Variants in ANKAR observed in about 807,000 individuals in gnomAD.
The protein encoded by ANKAR is ankyrin and armadillo repeat-containing protein.
ANKAR carries 136 observed loss-of-function variants against 146.2 expected under a neutral mutation model. That is an observed-to-expected ratio of 0.93 (90% confidence interval 0.81 to 1.07). The LOEUF (loss-of-function observed/expected upper bound fraction) is 1.07. Among genes scored for constraint, ANKAR ranks in the 50% least tolerant of loss-of-function variants. ANKAR has a pLI of 0.00. For synonymous variants in ANKAR, 500 were observed against 575.8 expected (o/e 0.87, Z 1.88); for missense variants, 1,567 against 1,679.9 (o/e 0.93, Z 1.18).
intron 18 of ANKAR, chr2:189,753,012 A>G: frequency 2.6e-6 from 4 of 1,566,684 alleles, no homozygotes; most frequent in Non-Finnish European, 3.5e-6. Flanking sequence ...AATAACTATC[A>G]TATATGGATA....
intron 12 of ANKAR, among the ~76,000 whole-genome samples, chr2:189,726,973 A>C (rs115825465): frequency 0.01 from 1,583 of 152,322 alleles, 34 homozygotes; most frequent in African/African-American, 0.036. Flanking sequence ...CAACTTTTCT[A>C]TAAGTTAAAA....
At position 189,742,951 on chromosome 2, in the gene ANKAR, CA is replaced by C. The variant is rs2043567615; in HGVS notation, c.3811-323del. ...ACACACACACACACACACACACACA[CA>C]CACACACACACACACACACACACAC... On this transcript the variant is annotated intron_variant, in intron 20 of 22. Coordinates refer to ENST00000684021, the MANE Select transcript of ANKAR (RefSeq NM_001378068.1). Among the ~76,000 whole-genome samples the C allele has an allele frequency of 3.5e-5, 5 of 143,210 alleles. No homozygotes were observed. In the South Asian group the frequency reaches 6.7e-4, roughly 19 times the overall value. 94.0% of individuals were successfully genotyped at this position (143,210 alleles called of 152,430 possible).
At chr2:189,708,455 A>C (rs527864528) in intron 9 of ANKAR, among the ~76,000 whole-genome samples, 1 of 152,358 alleles carries the variant, frequency 6.6e-6, no homozygotes, top group South Asian at 2.1e-4. Flanking sequence ...ACACATTCGG[A>C]AGAAACTGTA....
At chr2:189,755,442 T>C in intron 18 of ANKAR, 1 of 1,607,918 alleles carries the variant, frequency 6.2e-7, no homozygotes, top group South Asian at 1.1e-5. Flanking sequence ...TTTATGGTAG[T>C]TGCAATTGCT....
chr2:189,698,869 G>A (rs983061902), intron 7 of ANKAR, among the ~76,000 whole-genome samples: 4 of 152,058 alleles, frequency 2.6e-5, no homozygotes, highest in Non-Finnish European at 5.9e-5. Context: ...GAACTGGAGC[G>A]GGAAAAAAGG....
At chr2:189,729,127 CT>C (rs1308060886) in intron 15 of ANKAR, among the ~76,000 whole-genome samples, 2 of 152,122 alleles carry the variant, frequency 1.3e-5, no homozygotes, top group African/African-American at 2.4e-5. Context: ...AAAAATAGTT[CT>C]TTTGAATCTC....
At chr2:189,699,340 C>T (rs1272928549) in intron 7 of ANKAR, among the ~76,000 whole-genome samples, 1 of 152,150 alleles carries the variant, frequency 6.6e-6, no homozygotes, top group Non-Finnish European at 1.5e-5. Flanking sequence ...CTTCCTTCTC[C>T]TTTTTAGGGT....
In ANKAR at chr2:189,705,077, G is replaced by A; in HGVS notation, c.1763G>A (p.Cys588Tyr). 1 of 1,614,040 alleles carries A rather than the reference G, an allele frequency of 6.2e-7. No individual in the cohort carries two copies. Among genetic ancestry groups the A allele is most frequent in the South Asian group, 1.1e-5 (1 of 91,070 alleles). Residue 588 changes from cysteine to tyrosine, a missense_variant, in exon 8 of 23, where the codon TGT (cysteine) becomes TAT (tyrosine). Cys to Tyr is a radical substitution (Grantham distance 194). Transcript: ENST00000684021. Reference protein sequence around the residue: ...AQACSLETTVCLLCSKADYTL... With the variant: ...AQACSLETTVYLLCSKADYTL... Reference sequence around the variant, plus strand: ...GCTTGCTCATTAGAAACAACAGTTTGTCTACTGTGTTCCAAAGCTGATTAC... The same window carrying A: ...GCTTGCTCATTAGAAACAACAGTTTATCTACTGTGTTCCAAAGCTGATTAC...
intron 2 of ANKAR, among the ~76,000 whole-genome samples, chr2:189,682,457 G>A (rs1045234685): frequency 1.3e-5 from 2 of 152,150 alleles, no homozygotes; most frequent in African/African-American, 2.4e-5. Flanking sequence ...ACCTACTGAA[G>A]TAGTTTATAG....
chr2:189,681,000 A>G (rs950207972), intron 2 of ANKAR, among the ~76,000 whole-genome samples: 2 of 3,828 alleles, frequency 5.2e-4, no homozygotes, highest in Non-Finnish European at 0.011. Flanking sequence ...ACAGCGGTAG[A>G]GCCTTGACAT....
chr2:189,762,841 T>A (rs760906123), downstream of ANKAR: 195 of 985,324 alleles, frequency 2.0e-4, no homozygotes, highest in Non-Finnish European at 2.3e-4. Flanking sequence ...GCTGTTCCGC[T>A]AGCGAGCGGC....
In ANKAR at chr2:189,753,776, C is replaced by A. The variant is rs1049567859; in HGVS notation, c.*585-7322C>A. ...GTACAAGAAATGGCTGTTAGTCTTT[C>A]CTATCCTGCATAATTTCATACTGTC... On this transcript the variant is annotated intron_variant and NMD_transcript_variant, in intron 18 of 18. Transcript: ENST00000441800. 2.3e-5 allele frequency: 21 copies of A among 929,768 alleles called. No individual in the cohort carries two copies. The African/African-American group carries it at 3.2e-4, about 14-fold the overall frequency. The allele number at this position is 929,768 out of a possible 1,614,324, so 57.6% of individuals were successfully genotyped here.
intron 15 of ANKAR, 106 bp downstream of exon 15, chr2:189,728,927 C>A (rs903403909): frequency 9.1e-7 from 1 of 1,093,804 alleles, no homozygotes; most frequent in Non-Finnish European, 1.3e-6. Context: ...ACTGTTTGAG[C>A]CCTAAATGGT....
intron 17 of ANKAR, 39 bp downstream of exon 17, chr2:189,733,268 A>C: frequency 6.5e-7 from 1 of 1,543,096 alleles, no homozygotes; most frequent in African/African-American, 1.4e-5. Flanking sequence ...ATTTTGAAAA[A>C]AATGGTTTTT....
chr2:189,676,738 C>T lies in ANKAR; in HGVS notation c.248C>T (p.Ala83Val), dbSNP rs1463599164. The T allele has an allele frequency of 3.7e-6, 6 of 1,614,200 alleles. No individual in the cohort carries two copies. Among genetic ancestry groups the T allele is most frequent in the Non-Finnish European group, 5.1e-6 (6 of 1,180,048 alleles). Residue 83 changes from alanine (A) to valine (V), a missense_variant, in exon 2 of 23, where the codon GCA (alanine) becomes GTA (valine). Coordinates refer to ENST00000684021, the MANE Select transcript of ANKAR (RefSeq NM_001378068.1). The stretch of plus-strand genomic sequence containing the variant: ...ATGAATAACGTAGGCTTCTCCACTG[C>T]AATCCTACTGACTCCCGTGGACCCT... ...SQMNNVGFST[A>V]ILLTPVDPTA...
chr2:189,761,629 C>CCT, downstream of ANKAR: 1 of 1,596,758 alleles, frequency 6.3e-7, no homozygotes, highest in Non-Finnish European at 8.5e-7. Flanking sequence ...CAGTCTTAGT[C>CCT]AAGATTAGCA....
intron 10 of ANKAR, among the ~76,000 whole-genome samples, 176 bp downstream of exon 10, chr2:189,711,329 G>A (rs1266854738): frequency 6.6e-6 from 1 of 151,954 alleles, no homozygotes; most frequent in Non-Finnish European, 1.5e-5. Context: ...TTTCCACATG[G>A]AAGCTGCACA....
At position 189,736,502 on chromosome 2, in the gene ANKAR, T is replaced by TTTTG. The variant is rs1422561376; in HGVS notation, c.3424-1180_3424-1179insTTGT. 7.5e-4 allele frequency among the ~76,000 whole-genome samples: 107 copies of TTTTG among 142,064 alleles called. 10 individuals are homozygous for TTTTG. The highest frequency in any genetic ancestry group is 3.5e-3 in the Middle Eastern group (1 of 286). The allele number at this position is 142,064 out of a possible 152,430, so 93.2% of individuals were successfully genotyped here. ...TTTTGCCTATTTAGGTGACTGGGTTTTGTGTGTGTGTGTGTGTGTGTGTGT... is the reference window on the plus strand; with the variant it reads ...TTTTGCCTATTTAGGTGACTGGGTTTTTTGTGTGTGTGTGTGTGTGTGTGTGTGT... On this transcript the variant is annotated intron_variant, in intron 17 of 22. Coordinates refer to ENST00000684021, the MANE Select transcript of ANKAR (RefSeq NM_001378068.1).
chr2:189,745,018 C>CTAATAATAA (rs1480352634), intron 22 of ANKAR, among the ~76,000 whole-genome samples: 35 of 53,868 alleles, frequency 6.5e-4, no homozygotes, highest in South Asian at 4.3e-3. Flanking sequence ...ACTACTACTA[C>CTAATAATAA]TACTACTACT....
Sources: allele counts gnomAD v4.1 joint callset (sites outside exome capture counted in the v4.1 genomes callset), GRCh38; gene constraint gnomAD v4.1.1; transcripts MANE v1.5; gene names NCBI Gene and HGNC (gene_info 2026-07-23, HGNC 2026-07-21).